The following SCARB2 variants were observed in gnomAD, a reference collection of about 807,000 sequenced individuals.
The protein encoded by SCARB2 is scavenger receptor class B member 2.
SCARB2 carries 29 observed loss-of-function variants against 58.6 expected under a neutral mutation model. The observed-to-expected ratio is 0.49, with a 90% confidence interval of 0.37 to 0.67. The LOEUF (loss-of-function observed/expected upper bound fraction) is 0.67. Among genes scored for constraint, SCARB2 ranks in the 30% least tolerant of loss-of-function variants. SCARB2 has a pLI of 0.00. For synonymous variants in SCARB2, 195 were observed against 210.1 expected (o/e 0.93, Z 0.62); for missense variants, 488 against 578.5 (o/e 0.84, Z 1.60).
At chr4:76,209,722 A>G (rs908932231) in intron 1 of SCARB2, among the ~76,000 whole-genome samples, 1 of 152,232 alleles carries the variant, frequency 6.6e-6, no homozygotes, top group Non-Finnish European at 1.5e-5. Flanking sequence ...TATGGCTCCC[A>G]AAAGAAACCA....
At chr4:76,227,189 C>T (rs779617591) in intron 1 of SCARB2, among the ~76,000 whole-genome samples, 55 of 152,116 alleles carry the variant, frequency 3.6e-4, no homozygotes, top group Non-Finnish European at 5.3e-4. Context: ...CTTAGCACCA[C>T]TTTTGCTGTG....
intron 9 of SCARB2, among the ~76,000 whole-genome samples, chr4:76,167,686 T>TCCC (rs1732039880): frequency 1.4e-5 from 1 of 73,928 alleles, no homozygotes; most frequent in Non-Finnish European, 2.8e-5. Context: ...CCCCCCCGCT[T>TCCC]TTTTTTTTTT....
chr4:76,204,672 G>T (rs1004925713), intron 1 of SCARB2, among the ~76,000 whole-genome samples: 1 of 152,128 alleles, frequency 6.6e-6, no homozygotes, highest in Non-Finnish European at 1.5e-5. Context: ...TATGGGGAGT[G>T]GGGAGGCGGG....
rs1732696341 is a variant in SCARB2 at position 76,195,697 on chromosome 4, C to A, written c.275+10G>T. 1 of 1,613,202 alleles carries A rather than the reference C, an allele frequency of 6.2e-7. No homozygotes were observed. Among genetic ancestry groups the A allele is most frequent in the Admixed American group, 1.7e-5 (1 of 60,018 alleles). On this transcript the variant is annotated intron_variant, in intron 2 of 11. Coordinates refer to ENST00000264896, the MANE Select transcript of SCARB2 (RefSeq NM_005506.4). Reference sequence around the variant, plus strand: ...TATTTCTTTCAAGACAGGAGGTGGTCAAGACTTACCTGTAGGTGTATGGCC... The same window carrying A: ...TATTTCTTTCAAGACAGGAGGTGGTAAAGACTTACCTGTAGGTGTATGGCC...
At chr4:76,209,647 GTGAGCCACCACGCC>G (rs1380663135) in intron 1 of SCARB2, among the ~76,000 whole-genome samples, 1 of 152,230 alleles carries the variant, frequency 6.6e-6, no homozygotes, top group African/African-American at 2.4e-5. Context: ...GATAACAGGC[GTGAGCCACCACGCC>G]TGGCCTATAT....
chr4:76,208,435 G>A (rs1001681394), intron 1 of SCARB2, among the ~76,000 whole-genome samples: 1 of 152,226 alleles, frequency 6.6e-6, no homozygotes, highest in African/African-American at 2.4e-5. Flanking sequence ...TTCCTGTGCT[G>A]AGCCAATCAC....
At chr4:76,162,388 G>A (rs909738725) in intron 11 of SCARB2, 1 of 152,164 alleles carries the variant, frequency 6.6e-6, no homozygotes, top group Admixed American at 6.5e-5. Context: ...CTTAGTTGAG[G>A]AAACTGGAGG....
intron 1 of SCARB2, among the ~76,000 whole-genome samples, chr4:76,211,510 A>T (rs1447863918): frequency 1.3e-5 from 2 of 152,248 alleles, no homozygotes. Flanking sequence ...TCCCAGAAAG[A>T]TCACACCTTA....
intron 1 of SCARB2, among the ~76,000 whole-genome samples, chr4:76,210,166 G>C (rs1489437928): frequency 6.6e-6 from 1 of 152,168 alleles, no homozygotes; most frequent in East Asian, 1.9e-4. Flanking sequence ...GTGCTTTATA[G>C]ATATCATATT....
chr4:76,177,477 G>A (rs181868379), intron 4 of SCARB2, among the ~76,000 whole-genome samples: 297 of 152,254 alleles, frequency 2.0e-3, no homozygotes, highest in Non-Finnish European at 3.6e-3. Context: ...AAGTTAAACA[G>A]AATTCATAGG....
At chr4:76,221,426 C>G (rs1384545896) in intron 1 of SCARB2, among the ~76,000 whole-genome samples, 2 of 152,162 alleles carry the variant, frequency 1.3e-5, no homozygotes, top group East Asian at 1.9e-4. Context: ...TCAAGCGGTT[C>G]TCCTGCCTCA....
chr4:76,174,928 T>C (rs1467051935), intron 6 of SCARB2: 1 of 157,938 alleles, frequency 6.3e-6, no homozygotes, highest in Non-Finnish European at 1.4e-5. Context: ...TGACCACTGC[T>C]TACACTGCAT....
intron 1 of SCARB2, among the ~76,000 whole-genome samples, chr4:76,209,918 G>C (rs918111938): frequency 6.6e-6 from 1 of 152,208 alleles, no homozygotes; most frequent in Non-Finnish European, 1.5e-5. Context: ...CCTGACTGTG[G>C]CCAGTTCTGC....
intron 11 of SCARB2, chr4:76,162,941 A>G (rs1214734049): frequency 3.4e-6 from 2 of 592,144 alleles, no homozygotes; most frequent in African/African-American, 1.9e-5. Context: ...CTTTTCTTTC[A>G]GGTTATTGTT....
chr4:76,197,973 T>C (rs1461509576), intron 1 of SCARB2, among the ~76,000 whole-genome samples: 1 of 152,084 alleles, frequency 6.6e-6, no homozygotes. Flanking sequence ...GGAGAAGGAA[T>C]GGACACAAAG....
upstream of SCARB2, among the ~76,000 whole-genome samples, chr4:76,218,585 G>T (rs770468968): frequency 1.3e-5 from 2 of 152,126 alleles, no homozygotes; most frequent in African/African-American, 2.4e-5. Flanking sequence ...GTTTGTTTTG[G>T]TTTGGTTTGG....
At chr4:76,189,762 AC>A (rs1196276744) in intron 2 of SCARB2, among the ~76,000 whole-genome samples, 2 of 152,106 alleles carry the variant, frequency 1.3e-5, no homozygotes, top group Non-Finnish European at 2.9e-5. Context: ...ATCAGCCACC[AC>A]ACCCAACCAA....
rs76896636 is a variant in SCARB2 at position 76,223,419 on chromosome 4, A to C, written c.-358+10884T>G. On this transcript the variant is annotated intron_variant, in intron 1 of 11. Transcript: ENST00000638295. ...GAAGTCTAACTTTGAGAATTCATCA[A>C]AATTTGGCTGGGTACTGTGAGAAGA... 6.8e-4 allele frequency among the ~76,000 whole-genome samples: 103 copies of C among 152,306 alleles called. 1 individual carries two copies. The East Asian group carries it at 0.018, about 26-fold the overall frequency.
Position 76,213,372 on chromosome 4 carries a change from A to G in SCARB2, c.117+55T>C. On this transcript the variant is annotated intron_variant, in intron 1 of 11. Transcript: ENST00000264896. ...TCCCATACAAGATGTAGCAGCAGGG[A>G]TGGGAGGGTGAGCTGGACGACTCCA... 12 of 1,180,086 alleles carry G rather than the reference A, an allele frequency of 1.0e-5. No individual in the cohort carries two copies. The South Asian group carries it at 1.5e-4, about 15-fold the overall frequency. 73.1% of individuals were successfully genotyped at this position (1,180,086 alleles called of 1,614,324 possible).
Sources: gnomAD v4.1 joint callset for allele counts (sites outside exome capture counted in the v4.1 genomes callset) on GRCh38, gnomAD v4.1.1 for gene constraint, MANE v1.5 for transcripts, NCBI Gene and HGNC (gene_info 2026-07-23, HGNC 2026-07-21) for gene names.